RFWD3: variants seen among roughly 807,000 people sequenced by gnomAD.
The protein encoded by RFWD3 is E3 ubiquitin-protein ligase RFWD3.
RFWD3 carries 65 observed loss-of-function variants against 87.7 expected under a neutral mutation model. That is an observed-to-expected ratio of 0.74 (90% CI 0.61 to 0.91). RFWD3 has a LOEUF of 0.91. Among genes scored for constraint, RFWD3 ranks in the 40% least tolerant of loss-of-function variants. RFWD3 has a pLI of 0.00. For synonymous variants in RFWD3, 433 were observed against 352.8 expected (o/e 1.23, Z -2.55); for missense variants, 1,078 against 938.5 (o/e 1.15, Z -1.94).
Position 74,622,491 on chromosome 16 carries a change from G to A in RFWD3, c.*1437C>T, listed in dbSNP as rs1212587276. 6.6e-6 allele frequency: 1 copy of A among 152,064 alleles called. No homozygotes were observed. Among genetic ancestry groups the A allele is most frequent in the Admixed American group, 6.6e-5 (1 of 15,256 alleles). The allele number at this position is 152,064 out of a possible 1,614,324, so 9.4% of individuals were successfully genotyped here. On this transcript the variant is annotated 3_prime_UTR_variant, in exon 13 of 13. Transcript: ENST00000361070. ...AAAATTTAAAAAAGGAAAAAATTAT[G>A]TCCTAAAATATTAAAGGGTCATTAA...
At position 74,623,618 on chromosome 16, in the gene RFWD3, T is replaced by A; in HGVS notation, c.*310A>T. On this transcript the variant is annotated 3_prime_UTR_variant, in exon 13 of 13. Coordinates refer to ENST00000361070, the MANE Select transcript of RFWD3 (RefSeq NM_018124.4). ...GATGATGAGAGGACACTCTCTAAGG[T>A]CCAGAAAGTCACACAGAAAATAAAG... 4.1e-6 allele frequency: 1 copy of A among 243,006 alleles called. No individual in the cohort carries two copies. Among genetic ancestry groups the A allele is most frequent in the Non-Finnish European group, 8.0e-6 (1 of 125,256 alleles). 15.1% of individuals were successfully genotyped at this position (243,006 alleles called of 1,614,324 possible).
In RFWD3 at chr16:74,652,082, T is replaced by A; in HGVS notation, c.559A>T (p.Thr187Ser). 1 of 1,614,122 alleles carries A rather than the reference T, an allele frequency of 6.2e-7. No individual in the cohort carries two copies. ...GTGGTAGCTGGCAAGTCAGGCTGGGTCCTGCTCACCTGAAAGTAAGCATCC... is the reference window on the plus strand; with the variant it reads ...GTGGTAGCTGGCAAGTCAGGCTGGGACCTGCTCACCTGAAAGTAAGCATCC... ...PLDAYFQVSR[T>S]QPDLPATTYD... Residue 187 changes from threonine to serine, a missense_variant, in exon 3 of 13, where the codon ACC (threonine) becomes TCC (serine). Transcript: ENST00000361070.
rs1475076733 is a variant in RFWD3, at chr16:74,627,402, TCCACCCCTACC to T, written c.1970-859_1970-849del. On this transcript the variant is annotated intron_variant, in intron 11 of 12. Transcript: ENST00000361070. ...AAATATAGCCCACTTGTCCCTCCCCTCCACCCCTACCCCACCCCTAAGGGAGCAGGCCTGTC... is the reference window on the plus strand; with the variant it reads ...AAATATAGCCCACTTGTCCCTCCCCTCCACCCCTAAGGGAGCAGGCCTGTC... Among the ~76,000 whole-genome samples, 6 of 144,826 alleles carry T rather than the reference TCCACCCCTACC, an allele frequency of 4.1e-5. No homozygotes were observed. The East Asian group carries it at 1.4e-3, about 33-fold the overall frequency.
intron 6 of RFWD3, among the ~76,000 whole-genome samples, chr16:74,639,787 T>C (rs1040156375): frequency 1.3e-5 from 2 of 152,148 alleles, no homozygotes; most frequent in African/African-American, 2.4e-5. Context: ...GCTTGGAATA[T>C]GTGAGAAAGA....
chr16:74,647,448 C>T (rs754024501), intron 4 of RFWD3, among the ~76,000 whole-genome samples: 1 of 151,958 alleles, frequency 6.6e-6, no homozygotes, highest in African/African-American at 2.4e-5. Context: ...CCACCATATC[C>T]GGCTAATTTT....
intron 6 of RFWD3, 126 bp from the exon 7 acceptor site, chr16:74,638,096 T>C (rs1212295005): frequency 1.7e-6 from 1 of 572,472 alleles, no homozygotes; most frequent in Admixed American, 2.9e-5. Flanking sequence ...TGATAGTGAA[T>C]AAAATATAAA....
At position 74,644,744 on chromosome 16, in the gene RFWD3, A is replaced by G; in HGVS notation, c.793-9T>C. ...GACTTCTGGGGAGATGGCTAGATGGAAAGCAGAATATATTCAAATTAGAGA... is the reference window on the plus strand; with the variant it reads ...GACTTCTGGGGAGATGGCTAGATGGGAAGCAGAATATATTCAAATTAGAGA... On this transcript the variant is annotated splice_polypyrimidine_tract_variant and intron_variant, in intron 4 of 12. Transcript: ENST00000361070. The G allele has an allele frequency of 6.2e-7, 1 of 1,600,666 alleles. No homozygotes were observed. The highest frequency in any genetic ancestry group is 8.5e-7 in the Non-Finnish European group (1 of 1,170,698).
chr16:74,661,057 A>G lies in RFWD3; in HGVS notation c.393T>C (p.His131=). Reference sequence around the variant, plus strand: ...AAGGTCTCAGGAATTCCAGCATGCCATGAAGTCTCTGCAGTCCGCTGATGA... The same window carrying G: ...AAGGTCTCAGGAATTCCAGCATGCCGTGAAGTCTCTGCAGTCCGCTGATGA... ...TNFISGLQRL[H]GMLEFLRPSS... The change falls in exon 2 of 13, where the codon CAT becomes CAC. Residue 131 remains histidine, a synonymous_variant. Transcript: ENST00000361070. 4 of 1,614,222 alleles carry G rather than the reference A, an allele frequency of 2.5e-6. No individual in the cohort carries two copies. Among genetic ancestry groups the G allele is most frequent in the Non-Finnish European group, 3.4e-6 (4 of 1,180,040 alleles).
At chr16:74,642,876 G>A (rs1171743788) in intron 6 of RFWD3, among the ~76,000 whole-genome samples, 1 of 152,190 alleles carries the variant, frequency 6.6e-6, no homozygotes. Flanking sequence ...CGTTTTATTA[G>A]TCTGTATCGG....
Position 74,630,894 on chromosome 16 carries a change from C to G in RFWD3, c.1641G>C (p.Trp547Cys), listed in dbSNP as rs746677609. 1.9e-6 allele frequency: 3 copies of G among 1,614,028 alleles called. No homozygotes were observed. The highest frequency in any genetic ancestry group is 1.7e-5 in the Admixed American group (1 of 60,010). Residue 547 changes from tryptophan to cysteine, a missense_variant, in exon 10 of 13, where the codon TGG becomes TGC. Physicochemically the swap from Trp to Cys is radical, Grantham distance 215. Transcript: ENST00000361070. ...NAGRPVWSCC[W>C]CLDEANYIYA... ...AGATGTAGTTAGCCTCATCAAGACA[C>G]CAGCAACAGCTCCAGACAGGACGTC...
chr16:74,664,046 T>C (rs560888352), intron 1 of RFWD3, among the ~76,000 whole-genome samples: 1 of 152,306 alleles, frequency 6.6e-6, no homozygotes, highest in African/African-American at 2.4e-5. Flanking sequence ...ACACTCAGGA[T>C]GGAGAGTGGC....
chr16:74,641,628 G>A (rs987361724), intron 6 of RFWD3, among the ~76,000 whole-genome samples: 14 of 151,938 alleles, frequency 9.2e-5, no homozygotes, highest in Admixed American at 3.3e-4. Flanking sequence ...TTTGCATACA[G>A]TATAAAAACT....
At chr16:74,666,236 T>C (rs577864740) in intron 1 of RFWD3, 6 of 152,278 alleles carry the variant, frequency 3.9e-5, no homozygotes, top group South Asian at 4.1e-4. Flanking sequence ...ATTAGATACA[T>C]AGATATTAAA....
intron 1 of RFWD3, among the ~76,000 whole-genome samples, chr16:74,662,863 AAAAC>A (rs1027244365): frequency 3.3e-5 from 5 of 152,180 alleles, no homozygotes; most frequent in East Asian, 1.9e-4. Context: ...AGTGGAGATG[AAAAC>A]AAACAGACAG....
At chr16:74,640,238 C>T (rs1007653408) in intron 6 of RFWD3, among the ~76,000 whole-genome samples, 39 of 151,786 alleles carry the variant, frequency 2.6e-4, no homozygotes, top group African/African-American at 8.5e-4. Context: ...CGCCTCCTCC[C>T]GAGTTCAAGC....
chr16:74,633,223 G>T, intron 8 of RFWD3, among the ~76,000 whole-genome samples: 1 of 141,170 alleles, frequency 7.1e-6, no homozygotes, highest in East Asian at 2.1e-4. Flanking sequence ...GTTGTAGTGA[G>T]ACAAGATTGC....
intron 2 of RFWD3, among the ~76,000 whole-genome samples, chr16:74,653,303 C>G (rs1455335633): frequency 1.3e-5 from 2 of 151,882 alleles, no homozygotes; most frequent in Non-Finnish European, 2.9e-5. Context: ...GGTGCCCATA[C>G]TCCAGCCTGG....
chr16:74,665,322 C>G (rs1287135263), intron 1 of RFWD3: 2 of 152,436 alleles, frequency 1.3e-5, no homozygotes, highest in Non-Finnish European at 2.9e-5. Flanking sequence ...CGCGGTGGCT[C>G]ACACCTGTAA....
Position 74,661,233 on chromosome 16 carries a change from C to T in RFWD3, c.217G>A (p.Ala73Thr). The change falls in exon 2 of 13, where the codon GCT (alanine) becomes ACT (threonine). Residue 73 changes from alanine to threonine, a missense_variant. Transcript: ENST00000361070. Reference sequence around the variant, plus strand: ...GTCAGGTCAACAGACAGTTGCGGAGCAGGCTGGAGCAGGGGTGGTGTCGCT... The same window carrying T: ...GTCAGGTCAACAGACAGTTGCGGAGTAGGCTGGAGCAGGGGTGGTGTCGCT... ...SQATPPLLQP[A>T]PQLSVDLTEV... The T allele has an allele frequency of 6.2e-7, 1 of 1,614,204 alleles. No individual in the cohort carries two copies. Among genetic ancestry groups the T allele is most frequent in the South Asian group, 1.1e-5 (1 of 91,090 alleles).
Sources: allele counts gnomAD v4.1 joint callset (sites outside exome capture counted in the v4.1 genomes callset), GRCh38; gene constraint gnomAD v4.1.1; transcripts MANE v1.5; gene names NCBI Gene and HGNC (gene_info 2026-07-23, HGNC 2026-07-21).